The following UBTD2 variants were observed in gnomAD, a reference collection of about 807,000 sequenced individuals.
UBTD2 encodes the protein ubiquitin domain-containing protein 2.
Under a neutral mutation model 19.8 loss-of-function variants are expected in UBTD2, and 9 were observed. The observed-to-expected ratio is 0.46, with a 90% CI of 0.27 to 0.79. UBTD2 has a LOEUF of 0.79. UBTD2 is among the 30% of genes least tolerant of loss of function. UBTD2 has a pLI of 0.14. For missense variants in UBTD2, 250 were observed against 300.4 expected (o/e 0.83, Z 1.24); for synonymous variants, 98 against 103.9 (o/e 0.94, Z 0.35).
chr5:172,281,475 G>A lies in UBTD2; in HGVS notation c.70+2121C>T, dbSNP rs1354071611. 2.0e-5 allele frequency among the ~76,000 whole-genome samples: 3 copies of A among 152,076 alleles called. No homozygotes were observed. The East Asian group carries it at 5.8e-4, about 29-fold the overall frequency. ...GATCTGGCACTGCACTCCAGCTTGG[G>A]CGATAAAGCAAGAACCTGTCTCGAG... On this transcript the variant is annotated intron_variant, in intron 1 of 2. Coordinates refer to ENST00000393792, the MANE Select transcript of UBTD2 (RefSeq NM_152277.3).
In UBTD2 at chr5:172,243,127, CT is replaced by C. The variant is rs377346393; in HGVS notation, c.71-8770del. 6.9e-3 allele frequency among the ~76,000 whole-genome samples: 910 copies of C among 132,616 alleles called. 6 individuals are homozygous for C. The highest frequency in any genetic ancestry group is 0.021 in the South Asian group (86 of 4,146). 87.0% of individuals were successfully genotyped at this position (132,616 alleles called of 152,430 possible). A position where few individuals can be genotyped will look rare whatever the true frequency, so the allele number is the denominator to read the frequency against. ...ACAGGTGTCAGCCACCATGACTGGCCTTTTTTTTTTTTTTTTTAATATTTGA... is the reference window on the plus strand; with the variant it reads ...ACAGGTGTCAGCCACCATGACTGGCCTTTTTTTTTTTTTTTTAATATTTGA... On this transcript the variant is annotated intron_variant, in intron 1 of 2. Coordinates refer to ENST00000393792, the MANE Select transcript of UBTD2 (RefSeq NM_152277.3).
intron 1 of UBTD2, among the ~76,000 whole-genome samples, chr5:172,240,013 T>C (rs1307506999): frequency 6.6e-6 from 1 of 152,210 alleles, no homozygotes; most frequent in Non-Finnish European, 1.5e-5. Flanking sequence ...AGCAAACCAA[T>C]AACGAAGATT....
chr5:172,214,104 T>C (rs1771500138), intron 2 of UBTD2, among the ~76,000 whole-genome samples: 1 of 152,220 alleles, frequency 6.6e-6, no homozygotes, highest in Non-Finnish European at 1.5e-5. Flanking sequence ...ACTTAATGAA[T>C]GTTTTAAGGT....
intron 1 of UBTD2, among the ~76,000 whole-genome samples, chr5:172,270,388 G>A (rs546139943): frequency 3.8e-5 from 4 of 106,002 alleles, no homozygotes; most frequent in East Asian, 2.6e-4. Context: ...GTGGAGTTTC[G>A]CTCTTGTTGC....
At chr5:172,277,261 GT>G (rs1256130244) in intron 1 of UBTD2, among the ~76,000 whole-genome samples, 1 of 152,050 alleles carries the variant, frequency 6.6e-6, no homozygotes, top group Non-Finnish European at 1.5e-5. Flanking sequence ...TCCACTTCTT[GT>G]TGAGAAAGCA....
Position 172,237,597 on chromosome 5 carries a change from C to T in UBTD2, c.71-3239G>A, listed in dbSNP as rs555469867. 7.9e-5 allele frequency among the ~76,000 whole-genome samples: 12 copies of T among 152,306 alleles called. No individual in the cohort carries two copies. The South Asian group carries it at 2.5e-3, about 32-fold the overall frequency. On this transcript the variant is annotated intron_variant, in intron 1 of 2. Coordinates refer to ENST00000393792, the MANE Select transcript of UBTD2 (RefSeq NM_152277.3). ...ACCACAGAGCAGTGCAGAATTTTCA[C>T]TACAAAATCTGAGGCTTGAAGCTTC...
At position 172,211,771 on chromosome 5, in the gene UBTD2, GACA is replaced by G. The variant is rs1489970849; in HGVS notation, c.*56_*58del. ...GATTTCACGCCGCAGAGTAGGAAAT[GACA>G]ACAAGAACCATAAAAAGGAGCAGAG... is the stretch of plus-strand genomic sequence containing the variant. On this transcript the variant is annotated 3_prime_UTR_variant, in exon 3 of 3. Transcript: ENST00000393792. 3 of 1,499,236 alleles carry G rather than the reference GACA, an allele frequency of 2.0e-6. No individual in the cohort carries two copies. The highest frequency in any genetic ancestry group is 2.7e-6 in the Non-Finnish European group (3 of 1,121,094). 92.9% of individuals were successfully genotyped at this position (1,499,236 alleles called of 1,614,324 possible).
chr5:172,223,617 A>AAAAAAAAAAAAG (rs1561850764), intron 2 of UBTD2, among the ~76,000 whole-genome samples: 2 of 129,282 alleles, frequency 1.5e-5, no homozygotes, highest in African/African-American at 6.1e-5. Context: ...AAAAAAAAAA[A>AAAAAAAAAAAAG]GCACACTTAG....
chr5:172,233,421 A>T (rs1182010935), intron 2 of UBTD2, among the ~76,000 whole-genome samples: 3 of 135,794 alleles, frequency 2.2e-5, no homozygotes, highest in Non-Finnish European at 3.2e-5. Flanking sequence ...ATCTCAATGT[A>T]GCATGAAAAA....
chr5:172,253,793 T>A (rs1453949952), intron 1 of UBTD2, among the ~76,000 whole-genome samples: 1 of 152,038 alleles, frequency 6.6e-6, no homozygotes, highest in East Asian at 1.9e-4. Context: ...TTCTAATAAA[T>A]TTACTCTGAC....
rs369136814 is a variant in UBTD2 at position 172,258,954 on chromosome 5, T to C, written c.71-24596A>G. Among the ~76,000 whole-genome samples the C allele has an allele frequency of 1.8e-4, 28 of 152,256 alleles. No homozygotes were observed. In the South Asian group the frequency reaches 3.3e-3, roughly 18 times the overall value. ...CCTTTTATTTCTTTCTCTTACCTGA[T>C]TGCTCTGGCTAGGACTTCCAGAACT... On this transcript the variant is annotated intron_variant, in intron 1 of 2. Transcript: ENST00000393792.
intron 1 of UBTD2, among the ~76,000 whole-genome samples, chr5:172,273,680 G>GCC (rs796661514): frequency 4.5e-4 from 68 of 149,854 alleles, no homozygotes; most frequent in African/African-American, 1.6e-3. Flanking sequence ...AGTGGGACTA[G>GCC]CCCAACGGAA....
intron 1 of UBTD2, chr5:172,252,566 C>G (rs763239485): frequency 6.6e-6 from 1 of 152,266 alleles, no homozygotes. Flanking sequence ...GTCCTGAGAC[C>G]ACGATCAAGG....
intron 1 of UBTD2, among the ~76,000 whole-genome samples, chr5:172,273,406 C>G (rs1755538136): frequency 1.3e-5 from 2 of 151,920 alleles, no homozygotes; most frequent in African/African-American, 4.8e-5. Context: ...GCCTGGCCAA[C>G]GTGGTGAAAC....
chr5:172,223,772 A>G (rs1771702351), intron 2 of UBTD2, among the ~76,000 whole-genome samples: 1 of 152,122 alleles, frequency 6.6e-6, no homozygotes, highest in Admixed American at 6.6e-5. Flanking sequence ...GTCCAGGGTC[A>G]CAGAACTAGT....
chr5:172,265,891 T>C (rs1249525833), intron 1 of UBTD2, among the ~76,000 whole-genome samples: 1 of 151,852 alleles, frequency 6.6e-6, no homozygotes, highest in African/African-American at 2.4e-5. Context: ...AGGGGCATGC[T>C]AGTTTTAAGA....
chr5:172,254,372 C>T (rs1581226282), intron 1 of UBTD2: 2 of 278,324 alleles, frequency 7.2e-6, no homozygotes, highest in South Asian at 1.2e-4. Context: ...GTTGGGATTA[C>T]AGGCGTGAGC....
At chr5:172,243,036 G>C (rs1015563075) in intron 1 of UBTD2, among the ~76,000 whole-genome samples, 4 of 151,390 alleles carry the variant, frequency 2.6e-5, no homozygotes, top group African/African-American at 9.7e-5. Flanking sequence ...CTACGTTACC[G>C]AATCTGGTCT....
Position 172,279,109 on chromosome 5 carries a change from C to T in UBTD2, c.70+4487G>A, listed in dbSNP as rs144368272. ...GTCACAATTTAAAAAAAGTAAACTA[C>T]GGAAAAACAGAAAACTAGCATTCTT... On this transcript the variant is annotated intron_variant, in intron 1 of 2. Transcript: ENST00000393792. 3.4e-3 allele frequency among the ~76,000 whole-genome samples: 516 copies of T among 152,290 alleles called. 4 individuals are homozygous for T. Among genetic ancestry groups the T allele is most frequent in the African/African-American group, 0.011 (476 of 41,562 alleles).
Sources: gnomAD v4.1 joint callset for allele counts (sites outside exome capture counted in the v4.1 genomes callset) on GRCh38, gnomAD v4.1.1 for gene constraint, MANE v1.5 for transcripts, NCBI Gene and HGNC (gene_info 2026-07-23, HGNC 2026-07-21) for gene names.